MIPOL1: variants seen among roughly 807,000 people sequenced by gnomAD.
The protein encoded by MIPOL1 is mirror-image polydactyly gene 1 protein.
In MIPOL1, 57 loss-of-function variants were observed where a neutral mutation model predicts 60.9. The ratio of observed to expected loss-of-function variants is 0.94; its 90% CI spans 0.76 to 1.17. MIPOL1 has a LOEUF of 1.17. MIPOL1 is among the 50% of genes most tolerant of loss of function. MIPOL1 has a pLI of 0.00. For missense variants in MIPOL1, 551 were observed against 511.6 expected, an observed-to-expected ratio of 1.08 and a Z score of -0.74; for synonymous variants, 179 against 168.8, an observed-to-expected ratio of 1.06 and a Z score of -0.47.
intron 7 of MIPOL1, among the ~76,000 whole-genome samples, chr14:37,296,790 C>A (rs531273288): frequency 6.6e-6 from 1 of 152,088 alleles, no homozygotes; most frequent in Non-Finnish European, 1.5e-5. Context: ...CAATAACAGG[C>A]TCTGAAATTG....
At chr14:37,404,547 A>G (rs997424998) in intron 10 of MIPOL1, among the ~76,000 whole-genome samples, 1 of 152,186 alleles carries the variant, frequency 6.6e-6, no homozygotes, top group Non-Finnish European at 1.5e-5. Context: ...GTCTGCTTCT[A>G]CTTGTAGCAC....
intron 10 of MIPOL1, among the ~76,000 whole-genome samples, chr14:37,410,983 A>C (rs2093672546): frequency 6.6e-6 from 1 of 152,188 alleles, no homozygotes; most frequent in Non-Finnish European, 1.5e-5. Context: ...ATTTATTGGA[A>C]ATTTCTTTAA....
chr14:37,279,987 A>G (rs2083975383), intron 6 of MIPOL1, among the ~76,000 whole-genome samples: 1 of 151,844 alleles, frequency 6.6e-6, no homozygotes, highest in African/African-American at 2.4e-5. Flanking sequence ...TCTACTCTTT[A>G]CTTATGTGAG....
At chr14:37,310,658 A>G (rs74045605) in intron 9 of MIPOL1, among the ~76,000 whole-genome samples, 2,894 of 152,192 alleles carry the variant, frequency 0.019, 83 homozygotes, top group African/African-American at 0.065. Context: ...TTCCATTGCT[A>G]TCCAAAATGC....
intron 9 of MIPOL1, among the ~76,000 whole-genome samples, chr14:37,319,524 G>A (rs1197910851): frequency 6.6e-6 from 1 of 152,090 alleles, no homozygotes; most frequent in African/African-American, 2.4e-5. Context: ...CAAGTGCCTT[G>A]AGTAATATGA....
rs2086249558 is a variant in MIPOL1 at position 37,300,210 on chromosome 14, C to T, written c.624-7846C>T. Among the ~76,000 whole-genome samples, 3 of 150,110 alleles carry T rather than the reference C, an allele frequency of 2.0e-5. No homozygotes were observed. The South Asian group carries it at 6.4e-4, about 32-fold the overall frequency. On this transcript the variant is annotated intron_variant, in intron 7 of 12. Transcript: ENST00000684589. ...CTCTTTGGAAGTAAATCACTAAGTA[C>T]AGTCCATACTAAAGAATGAAGATGG...
At chr14:37,384,021 G>A (rs924978219) in intron 10 of MIPOL1, among the ~76,000 whole-genome samples, 2 of 151,796 alleles carry the variant, frequency 1.3e-5, no homozygotes, top group Non-Finnish European at 2.9e-5. Flanking sequence ...ACAAAAGCAA[G>A]GAAATTAACT....
At chr14:37,541,682 G>A (rs111648892) in intron 12 of MIPOL1, among the ~76,000 whole-genome samples, 1,608 of 152,206 alleles carry the variant, frequency 0.011, 30 homozygotes, top group African/African-American at 0.036. Flanking sequence ...ATTCCATGAG[G>A]AAAATTGAAT....
intron 9 of MIPOL1, among the ~76,000 whole-genome samples, chr14:37,362,344 G>A (rs2153486801): frequency 6.6e-6 from 1 of 151,958 alleles, no homozygotes; most frequent in South Asian, 2.1e-4. Context: ...GTCTGTAAAG[G>A]ATTATTTCTC....
intron 1 of MIPOL1, among the ~76,000 whole-genome samples, chr14:37,201,205 A>G (rs1482788988): frequency 6.6e-6 from 1 of 152,094 alleles, no homozygotes; most frequent in East Asian, 1.9e-4. Flanking sequence ...ACACCTGGCC[A>G]GTATTGTAAA....
chr14:37,388,633 T>C (rs2093145755), intron 10 of MIPOL1, among the ~76,000 whole-genome samples: 1 of 151,994 alleles, frequency 6.6e-6, no homozygotes, highest in Non-Finnish European at 1.5e-5. Context: ...AATATTTTTT[T>C]TGTGCTGCCT....
At chr14:37,346,104 CAG>C (rs2090927569) in intron 9 of MIPOL1, among the ~76,000 whole-genome samples, 1 of 152,030 alleles carries the variant, frequency 6.6e-6, no homozygotes, top group Non-Finnish European at 1.5e-5. Flanking sequence ...CTGAGGCAGA[CAG>C]ATCAATTGAG....
At chr14:37,506,983 G>A (rs879724663) in intron 12 of MIPOL1, 4 of 152,146 alleles carry the variant, frequency 2.6e-5, no homozygotes, top group Non-Finnish European at 4.4e-5. Context: ...TATTTATGCA[G>A]TCAACAGACA....
At chr14:37,202,286 A>G (rs993546341) in intron 1 of MIPOL1, among the ~76,000 whole-genome samples, 5 of 152,156 alleles carry the variant, frequency 3.3e-5, no homozygotes, top group African/African-American at 1.2e-4. Context: ...TTATGCAGAT[A>G]GATTTAAGAG....
chr14:37,525,344 G>T (rs937638115), intron 12 of MIPOL1, among the ~76,000 whole-genome samples: 1 of 152,078 alleles, frequency 6.6e-6, no homozygotes, highest in African/African-American at 2.4e-5. Flanking sequence ...CTCCGACTTG[G>T]GTGAATCAAG....
chr14:37,544,349 C>T (rs2095540157), intron 12 of MIPOL1, among the ~76,000 whole-genome samples: 1 of 152,152 alleles, frequency 6.6e-6, no homozygotes, highest in South Asian at 2.1e-4. Context: ...TTGTCTCCTC[C>T]TCCTCACAAC....
chr14:37,489,407 CTCA>C (rs2095010231), intron 11 of MIPOL1, among the ~76,000 whole-genome samples: 1 of 152,120 alleles, frequency 6.6e-6, no homozygotes, highest in East Asian at 1.9e-4. Flanking sequence ...GCTCCTTTAG[CTCA>C]GAGGAGTTTG....
intron 11 of MIPOL1, among the ~76,000 whole-genome samples, chr14:37,446,854 C>T (rs941844478): frequency 1.3e-5 from 2 of 150,262 alleles, no homozygotes; most frequent in African/African-American, 4.9e-5. Flanking sequence ...TGTTCTCACT[C>T]ATAGGTGGGA....
At chr14:37,542,665 C>T (rs1016074688) in intron 12 of MIPOL1, among the ~76,000 whole-genome samples, 2 of 152,178 alleles carry the variant, frequency 1.3e-5, no homozygotes, top group Non-Finnish European at 2.9e-5. Flanking sequence ...GACCTTTCCT[C>T]TCCTTCCATA....
Sources: gnomAD v4.1 joint callset for allele counts (sites outside exome capture counted in the v4.1 genomes callset) on GRCh38, gnomAD v4.1.1 for gene constraint, MANE v1.5 for transcripts, NCBI Gene and HGNC (gene_info 2026-07-23, HGNC 2026-07-21) for gene names.